Variants in SPHKAP observed in about 807,000 individuals in gnomAD.
SPHKAP encodes SPHK1 interactor, AKAP domain containing.
In SPHKAP, 67 loss-of-function variants were observed where a neutral mutation model predicts 137.5. The observed-to-expected ratio is 0.49, with a 90% CI of 0.40 to 0.60. The LOEUF (loss-of-function observed/expected upper bound fraction) is 0.60, where lower values mean the gene tolerates loss of function less well. Among genes scored for constraint, SPHKAP ranks in the 20% least tolerant of loss-of-function variants. The pLI is 0.00. For missense variants in SPHKAP, 2,097 were observed against 2,069.3 expected (o/e 1.01, Z -0.26); for synonymous variants, 813 against 785.3 (o/e 1.04, Z -0.59).
intron 1 of SPHKAP, among the ~76,000 whole-genome samples, chr2:228,154,860 T>C (rs1700062846): frequency 6.6e-6 from 1 of 151,166 alleles, no homozygotes; most frequent in Non-Finnish European, 1.5e-5. Flanking sequence ...TGCCCAGCCA[T>C]AAATAAACTA....
At position 228,035,403 on chromosome 2, in the gene SPHKAP, C is replaced by T. The variant is rs866077317; in HGVS notation, c.247-7860G>A. Among the ~76,000 whole-genome samples, 1,160 of 152,272 alleles carry T rather than the reference C, an allele frequency of 7.6e-3. 2 individuals carry two copies. Among genetic ancestry groups the T allele is most frequent in the Middle Eastern group, 0.02 (6 of 294 alleles). The stretch of plus-strand genomic sequence containing the variant: ...AAGAAAATACAAACAAATGGAAGAA[C>T]ATTCCATGCTCATGGGTAGGAAGAA... On this transcript the variant is annotated intron_variant, in intron 3 of 11. Coordinates refer to ENST00000392056, the MANE Select transcript of SPHKAP (RefSeq NM_001142644.2).
intron 4 of SPHKAP, 116 bp downstream of exon 4, chr2:228,027,368 T>A: frequency 9.3e-7 from 1 of 1,076,232 alleles, no homozygotes; most frequent in Non-Finnish European, 1.4e-6. Context: ...GGAAATGGCC[T>A]GTAATGAAAC....
chr2:228,117,131 C>G (rs773756645), intron 2 of SPHKAP, among the ~76,000 whole-genome samples: 4 of 152,052 alleles, frequency 2.6e-5, no homozygotes, highest in Non-Finnish European at 5.9e-5. Flanking sequence ...TAAGTATATA[C>G]GTATTCAATT....
chr2:227,983,345 T>C (rs1184991228), intron 11 of SPHKAP, among the ~76,000 whole-genome samples: 1 of 152,200 alleles, frequency 6.6e-6, no homozygotes, highest in African/African-American at 2.4e-5. Flanking sequence ...TTGTATTGGC[T>C]GAATCAAAAT....
chr2:228,180,275 T>C (rs1362367896), intron 1 of SPHKAP, among the ~76,000 whole-genome samples: 1 of 152,104 alleles, frequency 6.6e-6, no homozygotes, highest in Admixed American at 6.5e-5. Context: ...AGGAAGTGCC[T>C]GTGGAGCTGA....
intron 3 of SPHKAP, among the ~76,000 whole-genome samples, chr2:228,051,886 A>G (rs1270205429): frequency 6.6e-6 from 1 of 152,080 alleles, no homozygotes; most frequent in Non-Finnish European, 1.5e-5. Context: ...CCTCTTTTGT[A>G]CTGGCACAAA....
chr2:228,114,358 C>T (rs1483336653), intron 2 of SPHKAP, among the ~76,000 whole-genome samples: 3 of 152,014 alleles, frequency 2.0e-5, no homozygotes, highest in Admixed American at 2.0e-4. Context: ...AGACTTTGGA[C>T]ACAGCCCCAA....
intron 1 of SPHKAP, among the ~76,000 whole-genome samples, chr2:228,155,965 T>C (rs1001055927): frequency 6.6e-6 from 1 of 152,172 alleles, no homozygotes; most frequent in Non-Finnish European, 1.5e-5. Flanking sequence ...GTCATCCAGT[T>C]TATTAGCCAG....
At chr2:228,073,547 C>T (rs1414388740) in intron 3 of SPHKAP, among the ~76,000 whole-genome samples, 1 of 152,188 alleles carries the variant, frequency 6.6e-6, no homozygotes, top group African/African-American at 2.4e-5. Context: ...GTACTGCCTG[C>T]CTCTCAGGAA....
intron 3 of SPHKAP, among the ~76,000 whole-genome samples, chr2:228,062,437 CCT>C (rs1037042902): frequency 3.9e-5 from 6 of 152,042 alleles, no homozygotes; most frequent in African/African-American, 7.2e-5. Context: ...CCTCCCCAGA[CCT>C]CTTTAATGTT....
chr2:228,013,554 C>T (rs1377114997), intron 7 of SPHKAP, among the ~76,000 whole-genome samples: 1 of 152,126 alleles, frequency 6.6e-6, no homozygotes, highest in African/African-American at 2.4e-5. Context: ...TTTTAAGATA[C>T]TTCTTTCGGA....
At chr2:228,165,941 C>G (rs1478803664) in intron 1 of SPHKAP, among the ~76,000 whole-genome samples, 1 of 152,112 alleles carries the variant, frequency 6.6e-6, no homozygotes, top group Non-Finnish European at 1.5e-5. Context: ...ACTGGAATGG[C>G]AAACTTTGAG....
intron 7 of SPHKAP, among the ~76,000 whole-genome samples, chr2:228,013,264 T>A (rs1053969432): frequency 6.6e-6 from 1 of 152,216 alleles, no homozygotes; most frequent in Admixed American, 6.5e-5. Context: ...CCTTTTTCTT[T>A]TTTTTGAGAC....
intron 2 of SPHKAP, among the ~76,000 whole-genome samples, chr2:228,125,324 A>G (rs1699040465): frequency 6.6e-6 from 1 of 152,232 alleles, no homozygotes; most frequent in South Asian, 2.1e-4. Flanking sequence ...GAAATTCAAT[A>G]TAATGGAGGC....
At chr2:228,031,631 T>A (rs981557659) in intron 3 of SPHKAP, among the ~76,000 whole-genome samples, 7 of 152,200 alleles carry the variant, frequency 4.6e-5, no homozygotes, top group African/African-American at 9.6e-5. Context: ...AGGAGCAGAC[T>A]GACACCTCAC....
chr2:228,173,251 A>G (rs9653268), intron 1 of SPHKAP, among the ~76,000 whole-genome samples: 1,951 of 152,308 alleles, frequency 0.013, 44 homozygotes, highest in African/African-American at 0.044. Context: ...TTCATGTGTC[A>G]TTTGATGGCC....
chr2:228,028,209 C>T (rs896320766), intron 3 of SPHKAP, among the ~76,000 whole-genome samples: 5 of 152,058 alleles, frequency 3.3e-5, no homozygotes, highest in Non-Finnish European at 5.9e-5. Flanking sequence ...TGCTCTAAGC[C>T]TCTGTTTGTA....
intron 3 of SPHKAP, among the ~76,000 whole-genome samples, chr2:228,063,174 A>ATCTATCTATCTATCTATCTATCTG (rs756046439): frequency 3.4e-5 from 5 of 147,176 alleles, no homozygotes; most frequent in East Asian, 2.0e-4. Flanking sequence ...CTATCTATCT[A>ATCTATCTATCTATCTATCTATCTG]TCTGTCTGTC....
chr2:227,993,429 A>T, intron 9 of SPHKAP, 105 bp downstream of exon 9: 2 of 1,009,470 alleles, frequency 2.0e-6, no homozygotes, highest in Non-Finnish European at 3.0e-6. Context: ...AGCAGTACAG[A>T]CATGATGAGG....
Sources: gnomAD v4.1 joint callset for allele counts (sites outside exome capture counted in the v4.1 genomes callset) on GRCh38, gnomAD v4.1.1 for gene constraint, MANE v1.5 for transcripts, NCBI Gene and HGNC (gene_info 2026-07-23, HGNC 2026-07-21) for gene names.